The following TRPM5 variants were observed in gnomAD, a reference collection of about 807,000 sequenced individuals.
TRPM5 encodes transient receptor potential cation channel subfamily M member 5, also known as MLSN1 and TRP-related.
In TRPM5, 121 loss-of-function variants were observed where a neutral mutation model predicts 124.9. The observed-to-expected ratio is 0.97, with a 90% confidence interval of 0.84 to 1.13. The LOEUF is 1.13. Ranked by LOEUF, TRPM5 falls within the 50% of genes most tolerant of loss-of-function variation. The pLI, the probability that TRPM5 is intolerant of heterozygous loss-of-function variation, is 0.00. For synonymous variants in TRPM5, 781 were observed against 700.5 expected (o/e 1.11, Z -1.81); for missense variants, 1,643 against 1,589.1 (o/e 1.03, Z -0.58).
chr11:2,414,240 C>A lies in TRPM5; in HGVS notation c.1745-34G>T, dbSNP rs189523020. On this transcript the variant is annotated intron_variant, in intron 11 of 23. Coordinates refer to ENST00000155858, the Ensembl canonical transcript of TRPM5. ...GGAGGCCCTGGCCGCTAGGACGAGACGCCGATGCCCGGCCCGGCCCCCGAC... is the reference window on the plus strand; with the variant it reads ...GGAGGCCCTGGCCGCTAGGACGAGAAGCCGATGCCCGGCCCGGCCCCCGAC... 2.3e-3 allele frequency: 3,623 copies of A among 1,589,726 alleles called. 83 individuals are homozygous for A. In the African/African-American group the frequency reaches 0.044, roughly 19 times the overall value.
intron 15 of TRPM5, 74 bp downstream of exon 20, chr11:2,412,680 G>A: frequency 1.4e-6 from 2 of 1,452,416 alleles, no homozygotes; most frequent in East Asian, 2.4e-5. Context: ...CACCCTGCGA[G>A]GGCAGGACCC....
chr11:2,404,822 G>C (rs756135572), exon 24 of TRPM5: 67 of 795,558 alleles, frequency 8.4e-5, no homozygotes, highest in Non-Finnish European at 3.5e-5. Flanking sequence ...GCCATTGTCT[G>C]CTGGGGGGCT....
chr11:2,417,722 CTCA>C lies in TRPM5; in HGVS notation c.1009+2_1009+4del. 6.4e-7 allele frequency: 1 copy of C among 1,568,110 alleles called. No individual in the cohort carries two copies. Among genetic ancestry groups the C allele is most frequent in the Non-Finnish European group, 8.7e-7 (1 of 1,151,124 alleles). ...GCCTGCCTTGCCCACCCTGCCCGCC[CTCA>C]CCTTTCACCAGCGCCTTCAGGATGA... On this transcript the variant is annotated splice_donor_variant and splice_donor_region_variant and intron_variant, in intron 7 of 23. Coordinates refer to ENST00000155858, the Ensembl canonical transcript of TRPM5. LOFTEE classifies it high-confidence loss of function.
chr11:2,437,185 A>G, the TRPM5 span, among the ~76,000 whole-genome samples: 2 of 152,220 alleles, frequency 1.3e-5, no homozygotes, highest in South Asian at 2.1e-4. This position sits in a 1 kb window ranked among gnomAD's most constrained non-coding sequence, Gnocchi z 5.6. Flanking sequence ...ACACCTACAC[A>G]TACTTGCACA....
At chr11:2,420,357 G>T in exon 4 of TRPM5, 1 of 1,612,776 alleles carries the variant, frequency 6.2e-7, no homozygotes, top group Non-Finnish European at 8.5e-7. Flanking sequence ...GAACAGAGGG[G>T]GCCCTGGCTG....
At chr11:2,407,358 C>CACCCTGCACCCTGATTGCAGCA in intron 19 of TRPM5, 58 bp from the exon 25 acceptor site, 1 of 1,507,698 alleles carries the variant, frequency 6.6e-7, no homozygotes, top group Middle Eastern at 2.0e-4. Context: ...TTGGGGGACG[C>CACCCTGCACCCTGATTGCAGCA]ATCCCCCTGC....
At chr11:2,410,557 G>C (rs893979382) in intron 18 of TRPM5, 41 of 313,546 alleles carry the variant, frequency 1.3e-4, no homozygotes, top group African/African-American at 8.1e-4. Context: ...GCTCCTCACT[G>C]AGTCCCAGCC....
the TRPM5 span, among the ~76,000 whole-genome samples, chr11:2,430,648 T>A: frequency 4.0e-5 from 6 of 151,720 alleles, no homozygotes; most frequent in Non-Finnish European, 8.8e-5. Flanking sequence ...GTGGTGGCAG[T>A]GATGGTGACA....
At chr11:2,413,716 C>G in intron 12 of TRPM5, 128 bp from the exon 18 acceptor site, 5 of 890,398 alleles carry the variant, frequency 5.6e-6, no homozygotes, top group Non-Finnish European at 8.9e-6. Context: ...CCAGCCCTCC[C>G]TCCCGGAGCC....
At chr11:2,421,316 G>C (rs1183346979) in intron 2 of TRPM5, 118 bp from the exon 8 acceptor site, 1 of 1,271,108 alleles carries the variant, frequency 7.9e-7, no homozygotes. Flanking sequence ...AGGGGTGGGT[G>C]CTGGGGAATG....
At chr11:2,421,567 C>T (rs1186500334) in intron 2 of TRPM5, among the ~76,000 whole-genome samples, 1 of 152,208 alleles carries the variant, frequency 6.6e-6, no homozygotes, top group Non-Finnish European at 1.5e-5. Flanking sequence ...ACAAAGCCCT[C>T]GGCCCTTGTC....
exon 24 of TRPM5, chr11:2,404,765 A>G (rs1850278484): frequency 5.1e-6 from 3 of 585,858 alleles, no homozygotes; most frequent in Non-Finnish European, 9.1e-6. Context: ...CAGGAGGGAC[A>G]AGGAGCGGTT....
At position 2,407,290 on chromosome 11, in the gene TRPM5, G is replaced by A. The variant is rs768890047; in HGVS notation, c.2947C>T (p.Gln983Ter). 5.0e-6 allele frequency: 8 copies of A among 1,609,852 alleles called. No individual in the cohort carries two copies. Among genetic ancestry groups the A allele is most frequent in the Non-Finnish European group, 6.8e-6 (8 of 1,178,922 alleles). The change falls in exon 20 of 24, where the codon CAG becomes TAG. Residue 983 changes from glutamine to a stop codon, truncating the protein, a stop_gained. Transcript: ENST00000155858. LOFTEE classifies it high-confidence loss of function. ...ATGTCTGCGTTGCCCTGCACCACCTGGAACGTGTAGCTGCAGGGGCACAGC... is the reference window on the plus strand; with the variant it reads ...ATGTCTGCGTTGCCCTGCACCACCTAGAACGTGTAGCTGCAGGGGCACAGC...
intron 18 of TRPM5, 118 bp downstream of exon 23, chr11:2,411,234 C>G (rs1004381512): frequency 8.0e-7 from 1 of 1,254,634 alleles, no homozygotes; most frequent in East Asian, 2.6e-5. Flanking sequence ...CCCATCTCTG[C>G]TCCAGGCTGG....
chr11:2,420,498 C>G (rs1845756411), intron 3 of TRPM5, 93 bp from the exon 9 acceptor site: 1 of 1,349,500 alleles, frequency 7.4e-7, no homozygotes, highest in Non-Finnish European at 1.0e-6. Flanking sequence ...GTGCACACCA[C>G]GCCATGGGGC....
At chr11:2,442,660 G>T in the TRPM5 span, among the ~76,000 whole-genome samples, 1 of 152,186 alleles carries the variant, frequency 6.6e-6, no homozygotes, top group Non-Finnish European at 1.5e-5. The surrounding 1 kb of genome is among the most constrained non-coding windows in gnomAD (Gnocchi z 5.9). Context: ...GATACATTTA[G>T]TAATATCGCT....
Position 2,404,645 on chromosome 11 carries a change from G to T in TRPM5, c.*292C>A, listed in dbSNP as rs970661887. The T allele has an allele frequency of 1.5e-5, 7 of 470,922 alleles. No homozygotes were observed. The South Asian group carries it at 1.7e-4, about 12-fold the overall frequency. 29.2% of individuals were successfully genotyped at this position (470,922 alleles called of 1,614,324 possible). On this transcript the variant is annotated 3_prime_UTR_variant, in exon 24 of 24. Transcript: ENST00000155858. ...GCCACAGGGCCAGCTTTTCCACAGT[G>T]CAGGCTGGTCAGTTTCCAGGTAGGG...
chr11:2,405,202 A>G (rs542127316), intron 23 of TRPM5, among the ~76,000 whole-genome samples, 159 bp from the exon 29 acceptor site: 3 of 152,236 alleles, frequency 2.0e-5, no homozygotes, highest in Non-Finnish European at 4.4e-5. Flanking sequence ...AGAGACAACC[A>G]GGCCTCTGCC....
chr11:2,406,397 A>G (rs1319609640), intron 21 of TRPM5, among the ~76,000 whole-genome samples: 1 of 152,010 alleles, frequency 6.6e-6, no homozygotes, highest in East Asian at 1.9e-4. Context: ...GAGGGAAGCC[A>G]GGGGTGGGTA....
Sources: gnomAD v4.1 joint callset for allele counts (sites outside exome capture counted in the v4.1 genomes callset) on GRCh38, gnomAD v4.1.1 for gene constraint, Gnocchi (gnomAD v3.1) non-coding constraint, MANE v1.5 for transcripts, NCBI Gene and HGNC (gene_info 2026-07-23, HGNC 2026-07-21) for gene names.